The following CEP128 variants were observed in gnomAD, a reference collection of about 807,000 sequenced individuals.
CEP128 encodes centrosomal protein 128, also known as centrosomal protein 128kDa.
A neutral mutation model predicts 156.7 loss-of-function variants in CEP128; 132 were observed. That is an observed-to-expected ratio of 0.84 (90% CI 0.73 to 0.97). The LOEUF (loss-of-function observed/expected upper bound fraction) is 0.97. Ranked by LOEUF, CEP128 falls within the 50% of genes least tolerant of loss-of-function variation. The pLI is 0.00. For missense variants in CEP128, 1,252 were observed against 1,281.9 expected (o/e 0.98, Z 0.36); for synonymous variants, 469 against 448.9 (o/e 1.04, Z -0.57).
chr14:80,831,096 GAT>G (rs151108047), intron 13 of CEP128, 45 bp downstream of exon 13: 31,980 of 1,543,016 alleles, frequency 0.021, 413 homozygotes, highest in Middle Eastern at 0.05. Context: ...AATTCCATGA[GAT>G]AAAATTAAAA....
intron 23 of CEP128, among the ~76,000 whole-genome samples, chr14:80,513,402 T>C (rs952520001): frequency 2.6e-5 from 4 of 152,202 alleles, no homozygotes; most frequent in Admixed American, 1.3e-4. Flanking sequence ...TAATTTTTTT[T>C]CCTAATACTT....
chr14:80,736,328 A>G (rs1389641764), intron 19 of CEP128, among the ~76,000 whole-genome samples: 2 of 152,140 alleles, frequency 1.3e-5, no homozygotes, highest in Admixed American at 6.5e-5. Context: ...AAAAGCTCAA[A>G]TCGAATCTAT....
intron 19 of CEP128, among the ~76,000 whole-genome samples, chr14:80,641,097 C>T (rs1894389293): frequency 6.6e-6 from 1 of 152,104 alleles, no homozygotes; most frequent in East Asian, 1.9e-4. Context: ...TTTTGTAGAC[C>T]CTCTCCGAGG....
intron 19 of CEP128, among the ~76,000 whole-genome samples, chr14:80,628,330 G>A (rs1893817970): frequency 6.6e-6 from 1 of 152,016 alleles, no homozygotes; most frequent in African/African-American, 2.4e-5. Context: ...AAACACTACT[G>A]TACATTTTAT....
intron 8 of CEP128, among the ~76,000 whole-genome samples, chr14:80,870,541 C>G (rs77484087): frequency 6.6e-6 from 1 of 151,904 alleles, no homozygotes; most frequent in African/African-American, 2.4e-5. Flanking sequence ...AATTCAACAT[C>G]CTTTCATGAT....
At chr14:80,751,817 A>G (rs925406049) in intron 18 of CEP128, among the ~76,000 whole-genome samples, 3 of 152,016 alleles carry the variant, frequency 2.0e-5, no homozygotes, top group Admixed American at 6.6e-5. Context: ...TTCAGTAGAG[A>G]TGGTGGTTTC....
chr14:80,677,545 C>T (rs1334415013), intron 19 of CEP128, among the ~76,000 whole-genome samples: 1 of 148,226 alleles, frequency 6.7e-6, no homozygotes, highest in Non-Finnish European at 1.5e-5. Context: ...ACTCTTCTCC[C>T]ACCCAGGTGG....
In CEP128 at chr14:80,867,062, C is replaced by G. The variant is rs998580068; in HGVS notation, c.646-4189G>C. 3.3e-5 allele frequency among the ~76,000 whole-genome samples: 5 copies of G among 152,124 alleles called. No homozygotes were observed. The South Asian group carries it at 1.0e-3, about 31-fold the overall frequency. ...TTTCCTTACTAAGTTGAGAGTTTCA[C>G]ATTTTCAATTAGAAGAAACACTTTA... On this transcript the variant is annotated intron_variant, in intron 8 of 24. Transcript: ENST00000555265.
chr14:80,850,238 G>A (rs1211677276), intron 9 of CEP128, among the ~76,000 whole-genome samples: 1 of 152,108 alleles, frequency 6.6e-6, no homozygotes, highest in African/African-American at 2.4e-5. Context: ...ATTTAAATTT[G>A]TAATAACAGA....
chr14:80,572,840 G>A (rs1346971502), intron 20 of CEP128, among the ~76,000 whole-genome samples: 1 of 152,180 alleles, frequency 6.6e-6, no homozygotes, highest in African/African-American at 2.4e-5. Context: ...ACTGTAAAGG[G>A]GATAGTGTAT....
chr14:80,602,827 T>C (rs1892634544), intron 19 of CEP128, among the ~76,000 whole-genome samples: 1 of 151,912 alleles, frequency 6.6e-6, no homozygotes, highest in Non-Finnish European at 1.5e-5. Flanking sequence ...ACAAAGTATG[T>C]CCTCAACACA....
At chr14:80,904,575 C>G (rs1164820560) in intron 6 of CEP128, among the ~76,000 whole-genome samples, 2 of 152,004 alleles carry the variant, frequency 1.3e-5, no homozygotes, top group Non-Finnish European at 2.9e-5. Context: ...ACATTGCATA[C>G]ATATATTAAA....
intron 17 of CEP128, 72 bp downstream of exon 17, chr14:80,761,365 T>G: frequency 8.5e-7 from 1 of 1,179,856 alleles, no homozygotes; most frequent in Non-Finnish European, 1.2e-6. Context: ...CTACCACACA[T>G]GAAAATCCTA....
intron 9 of CEP128, among the ~76,000 whole-genome samples, chr14:80,853,857 C>T (rs1854740938): frequency 6.6e-6 from 1 of 151,794 alleles, no homozygotes; most frequent in South Asian, 2.1e-4. Flanking sequence ...ACTAGATATA[C>T]AACAGATGTG....
downstream of CEP128, among the ~76,000 whole-genome samples, chr14:80,493,788 G>T (rs918771087): frequency 6.6e-6 from 1 of 152,192 alleles, no homozygotes; most frequent in Non-Finnish European, 1.5e-5. Flanking sequence ...TGCTGGGCTT[G>T]AATTTAGGTA....
At chr14:80,529,723 C>T (rs17110726) in intron 22 of CEP128, among the ~76,000 whole-genome samples, 6,991 of 152,220 alleles carry the variant, frequency 0.046, 251 homozygotes, top group African/African-American at 0.097. Context: ...AGAAATTGCA[C>T]TGTTTTGGAT....
intron 9 of CEP128, among the ~76,000 whole-genome samples, chr14:80,856,720 C>CTTTTT (rs766724436): frequency 0.039 from 2,547 of 65,272 alleles, 11 homozygotes; most frequent in Non-Finnish European, 0.052. Flanking sequence ...TTTTTCTTTT[C>CTTTTT]TTTTTTTTTT....
chr14:80,743,390 A>G, intron 18 of CEP128, 123 bp from the exon 19 acceptor site: 1 of 704,218 alleles, frequency 1.4e-6, no homozygotes, highest in Non-Finnish European at 2.3e-6. Context: ...AATTTTTGCA[A>G]AATTTTAAAA....
chr14:80,590,384 G>A (rs1892000504), intron 19 of CEP128, among the ~76,000 whole-genome samples: 1 of 151,842 alleles, frequency 6.6e-6, no homozygotes, highest in Non-Finnish European at 1.5e-5. Flanking sequence ...ACTTACAGGG[G>A]GAAACAATTA....
Sources: gnomAD v4.1 joint callset for allele counts (sites outside exome capture counted in the v4.1 genomes callset) on GRCh38, gnomAD v4.1.1 for gene constraint, MANE v1.5 for transcripts, NCBI Gene and HGNC (gene_info 2026-07-23, HGNC 2026-07-21) for gene names.